TENM3: variants seen among roughly 807,000 people sequenced by gnomAD.
TENM3 encodes the protein teneurin-3.
In TENM3, 63 loss-of-function variants were observed where a neutral mutation model predicts 255.1. The ratio of observed to expected loss-of-function variants is 0.25; its 90% CI spans 0.20 to 0.30. The LOEUF is 0.30. Ranked by LOEUF, TENM3 falls within the 10% of genes least tolerant of loss-of-function variation. The pLI is 1.00. For missense variants in TENM3, 2,929 were observed against 3,461.1 expected, an observed-to-expected ratio of 0.85 and a Z score of 3.86; for synonymous variants, 1,306 against 1,322.3, an observed-to-expected ratio of 0.99 and a Z score of 0.27.
chr4:182,257,718 C>T lies in TENM3; in HGVS notation c.-76+14242C>T, dbSNP rs139167733. On this transcript the variant is annotated intron_variant, in intron 1 of 27. Transcript: ENST00000511685. ...CCTGGGGGTGTTATGTAAGAGCAGC[C>T]CTTTGAGATGGGTATTACCACCCTC... 8.7e-3 allele frequency among the ~76,000 whole-genome samples: 1,318 copies of T among 152,058 alleles called. 17 individuals carry two copies. Among genetic ancestry groups the T allele is most frequent in the Non-Finnish European group, 0.011 (770 of 68,002 alleles).
At chr4:181,907,046 T>A in the TENM3 span, among the ~76,000 whole-genome samples, 1 of 152,184 alleles carries the variant, frequency 6.6e-6, no homozygotes, top group South Asian at 2.1e-4. Flanking sequence ...ACCCAGCACA[T>A]GCCACCGCAC....
chr4:181,525,083 G>A, the TENM3 span, among the ~76,000 whole-genome samples: 6 of 152,086 alleles, frequency 3.9e-5, no homozygotes. Flanking sequence ...ACAGAATATC[G>A]AAAGTTTGAC....
chr4:181,681,284 T>G, the TENM3 span, among the ~76,000 whole-genome samples: 1 of 48,628 alleles, frequency 2.1e-5, no homozygotes, highest in Non-Finnish European at 5.9e-5. Context: ...TCCATTTCAG[T>G]TTTTTTTCGT....
chr4:182,266,939 A>T (rs1759281396), intron 1 of TENM3, among the ~76,000 whole-genome samples: 1 of 152,150 alleles, frequency 6.6e-6, no homozygotes, highest in Non-Finnish European at 1.5e-5. Flanking sequence ...TCTTGTTTTA[A>T]TCCTCTTTAG....
At chr4:181,586,847 AAAC>A in the TENM3 span, among the ~76,000 whole-genome samples, 1 of 145,870 alleles carries the variant, frequency 6.9e-6, no homozygotes, top group African/African-American at 2.6e-5. Flanking sequence ...CTCAAAAACA[AAAC>A]AAAACAAACA....
chr4:182,742,001 G>A (rs951263456), intron 18 of TENM3, among the ~76,000 whole-genome samples: 1 of 152,178 alleles, frequency 6.6e-6, no homozygotes, highest in South Asian at 2.1e-4. Context: ...CTAAGAAGTA[G>A]GGCCATTATC....
At chr4:182,636,486 C>T (rs926803171) in intron 5 of TENM3, among the ~76,000 whole-genome samples, 37 of 152,110 alleles carry the variant, frequency 2.4e-4, no homozygotes, top group African/African-American at 8.4e-4. Flanking sequence ...CCTGTAATCC[C>T]AGCACTTTGG....
At chr4:182,461,503 A>G (rs9312298) in intron 3 of TENM3, among the ~76,000 whole-genome samples, 137,158 of 152,236 alleles carry the variant, frequency 0.9, 62,282 homozygotes, top group East Asian at 1. Context: ...GTTTAAATGT[A>G]CCTTTGAGAT....
intron 1 of TENM3, among the ~76,000 whole-genome samples, chr4:182,256,259 T>C (rs1000240534): frequency 6.6e-6 from 1 of 152,228 alleles, no homozygotes; most frequent in East Asian, 1.9e-4. Context: ...AGATGAAATT[T>C]GAATCGATTA....
At chr4:181,843,470 T>A in the TENM3 span, among the ~76,000 whole-genome samples, 1 of 152,196 alleles carries the variant, frequency 6.6e-6, no homozygotes, top group African/African-American at 2.4e-5. Context: ...GCCAGTATAC[T>A]AAGAATTTGA....
chr4:181,626,073 TAA>T, the TENM3 span, among the ~76,000 whole-genome samples: 1 of 152,200 alleles, frequency 6.6e-6, no homozygotes, highest in East Asian at 1.9e-4. Flanking sequence ...AAGCCAAAGC[TAA>T]CTTTGCAAAA....
At chr4:182,278,553 G>A (rs937757282) in intron 1 of TENM3, among the ~76,000 whole-genome samples, 1 of 151,548 alleles carries the variant, frequency 6.6e-6, no homozygotes, top group Non-Finnish European at 1.5e-5. Flanking sequence ...GTATGATGAT[G>A]AAGGTGACTA....
At chr4:182,094,341 C>A in the TENM3 span, among the ~76,000 whole-genome samples, 3 of 151,910 alleles carry the variant, frequency 2.0e-5, no homozygotes, top group Non-Finnish European at 4.4e-5. Flanking sequence ...CACCTCCCGG[C>A]TTCAAGCAAT....
chr4:182,012,946 C>T, the TENM3 span: 2 of 151,392 alleles, frequency 1.3e-5, no homozygotes, highest in South Asian at 2.1e-4. Flanking sequence ...TTTTAGAGCC[C>T]GTTTCACCTT....
intron 13 of TENM3, among the ~76,000 whole-genome samples, chr4:182,723,871 A>G (rs181829209): frequency 2.2e-4 from 33 of 152,322 alleles, no homozygotes; most frequent in Admixed American, 3.9e-4. Context: ...CATAGAGACT[A>G]TATGGCCCAC....
intron 3 of TENM3, among the ~76,000 whole-genome samples, chr4:182,556,458 T>C (rs1742597695): frequency 6.6e-6 from 1 of 152,164 alleles, no homozygotes; most frequent in Non-Finnish European, 1.5e-5. Flanking sequence ...CAAAATTGAA[T>C]ACAACAAAGT....
the TENM3 span, among the ~76,000 whole-genome samples, chr4:181,826,018 C>T: frequency 6.6e-6 from 1 of 152,230 alleles, no homozygotes; most frequent in East Asian, 1.9e-4. Context: ...TTTAAAGAGA[C>T]CCATGCAAGA....
chr4:182,414,038 C>T (rs10520531), intron 3 of TENM3, among the ~76,000 whole-genome samples: 12,056 of 152,194 alleles, frequency 0.079, 793 homozygotes, highest in East Asian at 0.22. Flanking sequence ...AGTTATAACA[C>T]CATAGTTGAA....
At chr4:181,600,472 C>A in the TENM3 span, among the ~76,000 whole-genome samples, 1 of 152,178 alleles carries the variant, frequency 6.6e-6, no homozygotes, top group African/African-American at 2.4e-5. Context: ...CCCTCCTGAA[C>A]CCAAGTTCAG....
Sources: allele counts gnomAD v4.1 joint callset (sites outside exome capture counted in the v4.1 genomes callset), GRCh38; gene constraint gnomAD v4.1.1; transcripts MANE v1.5; gene names NCBI Gene and HGNC (gene_info 2026-07-23, HGNC 2026-07-21).